HEATR5B: variants seen among roughly 807,000 people sequenced by gnomAD.
The protein encoded by HEATR5B is HEAT repeat-containing protein 5B.
In HEATR5B, 156 loss-of-function variants were observed where a neutral mutation model predicts 224.1. The ratio of observed to expected loss-of-function variants is 0.70; its 90% confidence interval spans 0.61 to 0.80. HEATR5B has a LOEUF of 0.80. Ranked by LOEUF, HEATR5B falls within the 30% of genes least tolerant of loss-of-function variation. The pLI is 0.00. For synonymous variants in HEATR5B, 1,027 were observed against 893.0 expected, an observed-to-expected ratio of 1.15 and a Z score of -2.68; for missense variants, 2,323 against 2,535.5, an observed-to-expected ratio of 0.92 and a Z score of 1.80.
chr2:37,021,729 A>G (rs1668469919), intron 24 of HEATR5B, among the ~76,000 whole-genome samples: 1 of 151,932 alleles, frequency 6.6e-6, no homozygotes, highest in Admixed American at 6.6e-5. Flanking sequence ...TCTACAAAAC[A>G]TACAAAAATT....
chr2:37,043,524 A>T (rs1670003251), intron 18 of HEATR5B, among the ~76,000 whole-genome samples: 2 of 152,218 alleles, frequency 1.3e-5, no homozygotes, highest in South Asian at 4.1e-4. Context: ...GCAATTCTGC[A>T]AGAGTTTCAA....
chr2:37,015,637 G>C (rs766075515), intron 26 of HEATR5B, among the ~76,000 whole-genome samples: 5 of 152,154 alleles, frequency 3.3e-5, no homozygotes, highest in South Asian at 2.1e-4. Flanking sequence ...ACTGCTTTAC[G>C]GGGATGATAG....
chr2:37,042,938 G>A (rs1282594038), intron 18 of HEATR5B, among the ~76,000 whole-genome samples: 1 of 148,660 alleles, frequency 6.7e-6, no homozygotes, highest in Non-Finnish European at 1.5e-5. Context: ...TGAAGATGAA[G>A]CCCAAAGCTG....
At chr2:37,024,902 C>T (rs1282123712) in intron 24 of HEATR5B, among the ~76,000 whole-genome samples, 3 of 152,124 alleles carry the variant, frequency 2.0e-5, no homozygotes, top group Non-Finnish European at 4.4e-5. Flanking sequence ...GCAAGACCTC[C>T]GTCTTTTTTC....
chr2:37,039,037 C>G (rs988792833), intron 20 of HEATR5B, among the ~76,000 whole-genome samples: 2 of 151,728 alleles, frequency 1.3e-5, no homozygotes, highest in Non-Finnish European at 2.9e-5. Flanking sequence ...ATGCCGGTAA[C>G]GGGCTGGGCG....
chr2:37,004,026 T>A (rs534108245), intron 30 of HEATR5B, among the ~76,000 whole-genome samples: 1 of 152,322 alleles, frequency 6.6e-6, no homozygotes, highest in Admixed American at 6.5e-5. Context: ...GAGCTGAATA[T>A]CCAAGAATTT....
At chr2:37,067,042 G>A (rs1409396528) in intron 8 of HEATR5B, among the ~76,000 whole-genome samples, 1 of 151,398 alleles carries the variant, frequency 6.6e-6, no homozygotes, top group Non-Finnish European at 1.5e-5. Flanking sequence ...ATTAATTTTT[G>A]TATTTTTTAA....
intron 33 of HEATR5B, 78 bp from the exon 34 acceptor site, chr2:36,990,877 A>G: frequency 8.0e-7 from 1 of 1,244,150 alleles, no homozygotes; most frequent in Non-Finnish European, 1.1e-6. Flanking sequence ...GTAGAGAGAG[A>G]CGTTGTCTTG....
chr2:37,028,194 T>G lies in HEATR5B; in HGVS notation c.3602-20A>C. On this transcript the variant is annotated intron_variant, in intron 23 of 35. Transcript: ENST00000233099. ...TCATATCTATAACAAGAATAAGGAA[T>G]ATTGTAACAATCTCACATAAGCAAA... 6.5e-7 allele frequency: 1 copy of G among 1,529,328 alleles called. No homozygotes were observed. 94.7% of individuals were successfully genotyped at this position (1,529,328 alleles called of 1,614,324 possible).
Position 37,000,747 on chromosome 2 carries a change from T to C in HEATR5B, c.5384A>G (p.Lys1795Arg). 6.2e-7 allele frequency: 1 copy of C among 1,614,188 alleles called. No individual in the cohort carries two copies. Among genetic ancestry groups the C allele is most frequent in the Non-Finnish European group, 8.5e-7 (1 of 1,180,000 alleles). Residue 1795 changes from lysine to arginine, a missense_variant, in exon 33 of 36, where the codon AAG becomes AGG. Physicochemically the swap from Lys to Arg is conservative, Grantham distance 26. Coordinates refer to ENST00000233099, the MANE Select transcript of HEATR5B (RefSeq NM_019024.3). ...TGGAGGAACCTGATTATCTGCAGAC[T>C]TTATTGCTGTGTCTTTCAATATTCT... ...IARILKDTAI[K>R]SADNQVPPPV...
At chr2:37,014,586 T>C (rs541493821) in intron 26 of HEATR5B, among the ~76,000 whole-genome samples, 55 of 152,222 alleles carry the variant, frequency 3.6e-4, no homozygotes, top group South Asian at 6.2e-4. Context: ...GAAATAATTT[T>C]CCACCCAAAG....
intron 18 of HEATR5B, among the ~76,000 whole-genome samples, chr2:37,043,126 A>G (rs190285448): frequency 6.6e-6 from 1 of 152,214 alleles, no homozygotes; most frequent in African/African-American, 2.4e-5. Flanking sequence ...GATGTGTGCC[A>G]AAACTGTTCT....
At chr2:36,999,993 C>T (rs1336329779) in intron 33 of HEATR5B, among the ~76,000 whole-genome samples, 9 of 151,590 alleles carry the variant, frequency 5.9e-5, no homozygotes, top group Non-Finnish European at 1.0e-4. Flanking sequence ...GTCTGGGTGA[C>T]GGAGCGAGAC....
At chr2:37,042,802 G>A (rs1036035646) in intron 18 of HEATR5B, among the ~76,000 whole-genome samples, 6 of 148,666 alleles carry the variant, frequency 4.0e-5, no homozygotes, top group African/African-American at 1.5e-4. Flanking sequence ...TGAGGCAGGA[G>A]AATCACTTAA....
In HEATR5B at chr2:37,013,836, G is replaced by A. The variant is rs368945160; in HGVS notation, c.4284+5C>T. On this transcript the variant is annotated splice_donor_5th_base_variant and intron_variant, in intron 27 of 35. Coordinates refer to ENST00000233099, the MANE Select transcript of HEATR5B (RefSeq NM_019024.3). The stretch of plus-strand genomic sequence containing the variant: ...AAAAACAATAGATTGTGGTTTAGTC[G>A]TTACCTCTGCCCAAGCTTTGAGAAC... 111 of 1,566,304 alleles carry A rather than the reference G, an allele frequency of 7.1e-5. No individual in the cohort carries two copies. The East Asian group carries it at 1.2e-3, about 17-fold the overall frequency.
intron 26 of HEATR5B, among the ~76,000 whole-genome samples, chr2:37,017,687 CAA>C (rs1056240189): frequency 0.23 from 13,885 of 60,992 alleles, 430 homozygotes; most frequent in East Asian, 0.5. Flanking sequence ...AATTCCGTCT[CAA>C]AAAAAAAAAA....
At position 36,981,722 on chromosome 2, in the gene HEATR5B, G is replaced by A. The variant is rs777775835; in HGVS notation, c.5984C>T (p.Ala1995Val). 6.2e-6 allele frequency: 10 copies of A among 1,613,896 alleles called. No individual in the cohort carries two copies. The Admixed American group carries it at 6.7e-5, about 11-fold the overall frequency. The change falls in exon 36 of 36, where the codon GCA (alanine) becomes GTA (valine). Residue 1995 changes from alanine to valine, a missense_variant. Ala to Val is a moderately conservative substitution (Grantham distance 64). Transcript: ENST00000233099. ...ATGAAGATCTTTGGAAGCTGAACTT[G>A]CTGAGGCAAAAGAATTTTCATCCAG... Reference protein sequence around the residue: ...YLLDENSFASASSASKDLHEF... With the variant: ...YLLDENSFASVSSASKDLHEF...
Position 37,064,938 on chromosome 2 carries a change from T to A in HEATR5B, c.1386A>T (p.Arg462=). ...AGCGCAAACACCATGCAGCAGCAAG[T>A]CGGGCAGCCATGCTTGGATGAAGCA... The part of the protein sequence containing the change: ...SVLLHPSMAA[R]LAAAWCLRCV... Residue 462 remains arginine (R), a synonymous_variant, in exon 10 of 36, where the codon CGA becomes CGT. Transcript: ENST00000233099. The A allele has an allele frequency of 6.2e-7, 1 of 1,614,076 alleles. No individual in the cohort carries two copies.
In HEATR5B at chr2:37,034,719, G is replaced by A. The variant is rs560350317; in HGVS notation, c.3217-1946C>T. ...CCTCTCGGGCTCAAGCGATCCTCTC[G>A]CCTCATTTTTTTATTTTTTGTAGAG... On this transcript the variant is annotated intron_variant, in intron 21 of 35. Transcript: ENST00000233099. Among the ~76,000 whole-genome samples the A allele has an allele frequency of 1.1e-4, 16 of 149,206 alleles. No individual in the cohort carries two copies. In the East Asian group the frequency reaches 2.6e-3, roughly 24 times the overall value.
Sources: allele counts gnomAD v4.1 joint callset (sites outside exome capture counted in the v4.1 genomes callset), GRCh38; gene constraint gnomAD v4.1.1; transcripts MANE v1.5; gene names NCBI Gene and HGNC (gene_info 2026-07-23, HGNC 2026-07-21).